The following MGMT variants were observed in gnomAD, a reference collection of about 807,000 sequenced individuals.
The protein encoded by MGMT is O-6-methylguanine-DNA methyltransferase.
In MGMT, 14 loss-of-function variants were observed where a neutral mutation model predicts 15.9. The ratio of observed to expected loss-of-function variants is 0.88; its 90% CI spans 0.58 to 1.37. MGMT has a LOEUF of 1.37. Ranked by LOEUF, MGMT falls within the 40% of genes most tolerant of loss-of-function variation. MGMT has a pLI of 0.00. For missense variants in MGMT, 282 were observed against 268.1 expected (o/e 1.05, Z -0.36); for synonymous variants, 130 against 118.2 (o/e 1.10, Z -0.65).
intron 2 of MGMT, among the ~76,000 whole-genome samples, chr10:129,541,407 G>A (rs879923987): frequency 4.6e-5 from 7 of 152,238 alleles, no homozygotes; most frequent in Admixed American, 1.3e-4. Context: ...CGCAGCTGCA[G>A]AGCTCTGACC....
intron 2 of MGMT, among the ~76,000 whole-genome samples, chr10:129,578,521 T>C (rs938378762): frequency 2.9e-5 from 3 of 103,666 alleles, no homozygotes; most frequent in African/African-American, 1.2e-4. Flanking sequence ...CATCACACAC[T>C]GGGGACTGTT....
chr10:129,654,179 G>A (rs1469011665), intron 2 of MGMT, among the ~76,000 whole-genome samples: 1 of 152,184 alleles, frequency 6.6e-6, no homozygotes, highest in African/African-American at 2.4e-5. Context: ...AAGCTGGATG[G>A]TGAGGTAGCC....
chr10:129,578,965 T>C (rs1846520309), intron 2 of MGMT, among the ~76,000 whole-genome samples: 1 of 152,218 alleles, frequency 6.6e-6, no homozygotes, highest in Non-Finnish European at 1.5e-5. Flanking sequence ...TTTGTGCATT[T>C]GTGAGCACTG....
At chr10:129,731,006 G>A (rs76556689) in intron 3 of MGMT, among the ~76,000 whole-genome samples, 1,751 of 152,322 alleles carry the variant, frequency 0.011, 25 homozygotes, top group South Asian at 0.045. Flanking sequence ...CTTCAAGGAT[G>A]TGGTGCCTCA....
chr10:129,740,825 G>T (rs903365246), intron 3 of MGMT, among the ~76,000 whole-genome samples: 1 of 152,202 alleles, frequency 6.6e-6, no homozygotes, highest in African/African-American at 2.4e-5. Context: ...GGACTGAACA[G>T]GAGAAAGCAC....
At chr10:129,734,428 T>C (rs1341812755) in intron 3 of MGMT, among the ~76,000 whole-genome samples, 1 of 150,672 alleles carries the variant, frequency 6.6e-6, no homozygotes, top group Non-Finnish European at 1.5e-5. Context: ...GAGACTTTGC[T>C]GAAGTTGCTT....
At chr10:129,512,137 G>A (rs1216523184) in intron 1 of MGMT, among the ~76,000 whole-genome samples, 6 of 152,188 alleles carry the variant, frequency 3.9e-5, no homozygotes, top group Admixed American at 3.9e-4. Context: ...TTCTGCCCTC[G>A]CACGTGGTGG....
At chr10:129,736,629 G>A (rs11527791) in intron 3 of MGMT, among the ~76,000 whole-genome samples, 37,739 of 151,578 alleles carry the variant, frequency 0.25, 5,473 homozygotes, top group East Asian at 0.45. Context: ...TATTTTGCTC[G>A]TTAGTTGATG....
chr10:129,553,104 T>G (rs1411674261), intron 2 of MGMT, among the ~76,000 whole-genome samples: 1 of 152,228 alleles, frequency 6.6e-6, no homozygotes, highest in East Asian at 1.9e-4. Flanking sequence ...GAGTTTAATT[T>G]CTGCGATAGG....
intron 3 of MGMT, among the ~76,000 whole-genome samples, chr10:129,726,663 T>C (rs1848437974): frequency 6.6e-6 from 1 of 152,232 alleles, no homozygotes; most frequent in Non-Finnish European, 1.5e-5. Flanking sequence ...AAACTTGATA[T>C]TGTAAATTTA....
chr10:129,661,453 G>A (rs1847597044), intron 2 of MGMT, among the ~76,000 whole-genome samples: 1 of 152,068 alleles, frequency 6.6e-6, no homozygotes, highest in Non-Finnish European at 1.5e-5. Flanking sequence ...TTCTAAAATG[G>A]CTTTTTATTT....
At chr10:129,755,960 A>G (rs1329010668) in intron 3 of MGMT, among the ~76,000 whole-genome samples, 1 of 152,176 alleles carries the variant, frequency 6.6e-6, no homozygotes, top group Non-Finnish European at 1.5e-5. Flanking sequence ...GAGTTGGTCC[A>G]GGTTCAGGTG....
At chr10:129,745,555 A>G (rs1187937460) in intron 3 of MGMT, among the ~76,000 whole-genome samples, 1 of 152,200 alleles carries the variant, frequency 6.6e-6, no homozygotes, top group African/African-American at 2.4e-5. Context: ...AGATTCATCC[A>G]AGTTGTTGCA....
intron 3 of MGMT, among the ~76,000 whole-genome samples, chr10:129,752,724 A>G (rs186703308): frequency 2.0e-4 from 30 of 152,254 alleles, no homozygotes; most frequent in African/African-American, 7.2e-4. Context: ...TTATGACTAT[A>G]TAGATCCTTT....
chr10:129,663,177 A>G (rs1158809269), intron 2 of MGMT, among the ~76,000 whole-genome samples: 5 of 152,260 alleles, frequency 3.3e-5, no homozygotes, highest in Admixed American at 6.5e-5. Context: ...AATTGTTACA[A>G]TCAACATTCT....
At chr10:129,649,975 A>C (rs1230684651) in intron 2 of MGMT, among the ~76,000 whole-genome samples, 2 of 152,180 alleles carry the variant, frequency 1.3e-5, no homozygotes, top group Non-Finnish European at 2.9e-5. Context: ...TTTAGCATCT[A>C]GAGAGGGTCC....
intron 1 of MGMT, among the ~76,000 whole-genome samples, chr10:129,534,782 C>T (rs953698237): frequency 6.6e-6 from 1 of 151,778 alleles, no homozygotes; most frequent in Non-Finnish European, 1.5e-5. Context: ...TTCAGACCTG[C>T]TTCATTGTGG....
chr10:129,590,550 G>A (rs1192677379), intron 2 of MGMT, among the ~76,000 whole-genome samples: 3 of 152,228 alleles, frequency 2.0e-5, no homozygotes, highest in Non-Finnish European at 2.9e-5. Context: ...TGGAATTGCT[G>A]GTCGAGGCAA....
chr10:129,593,663 G>A (rs1257055636), intron 2 of MGMT, among the ~76,000 whole-genome samples: 1 of 152,228 alleles, frequency 6.6e-6, no homozygotes, highest in Non-Finnish European at 1.5e-5. Flanking sequence ...GGTGGCTGAG[G>A]CGTAAGTCTC....
Sources: gnomAD v4.1 joint callset for allele counts (sites outside exome capture counted in the v4.1 genomes callset) on GRCh38, gnomAD v4.1.1 for gene constraint, MANE v1.5 for transcripts, NCBI Gene and HGNC (gene_info 2026-07-23, HGNC 2026-07-21) for gene names.